C1QTNF2: variants seen among roughly 807,000 people sequenced by gnomAD.
The protein encoded by C1QTNF2 is C1q and TNF related 2, also known as complement C1q tumor necrosis factor-related protein 2.
Under a neutral mutation model 17.4 loss-of-function variants are expected in C1QTNF2, and 15 were observed. The observed-to-expected ratio is 0.86, with a 90% CI of 0.58 to 1.33. The LOEUF (loss-of-function observed/expected upper bound fraction) is 1.33, where lower values mean the gene tolerates loss of function less well. C1QTNF2 is among the 40% of genes most tolerant of loss of function. C1QTNF2 has a pLI of 0.00. For synonymous variants in C1QTNF2, 154 were observed against 163.3 expected (o/e 0.94, Z 0.44); for missense variants, 381 against 392.3 (o/e 0.97, Z 0.24).
intron 1 of C1QTNF2, among the ~76,000 whole-genome samples, chr5:160,356,620 A>T (rs190962803): frequency 2.6e-4 from 40 of 152,310 alleles, no homozygotes; most frequent in African/African-American, 9.6e-4. Context: ...GATACAAAGC[A>T]CTGTGGGCTT....
At chr5:160,369,003 G>A (rs1376504117) in intron 1 of C1QTNF2, among the ~76,000 whole-genome samples, 3 of 151,404 alleles carry the variant, frequency 2.0e-5, no homozygotes, top group Non-Finnish European at 2.9e-5. Context: ...AAGACACACT[G>A]TTAAGTGAAA....
chr5:160,364,401 C>T (rs964892468), intron 1 of C1QTNF2, among the ~76,000 whole-genome samples: 15 of 152,150 alleles, frequency 9.9e-5, no homozygotes, highest in East Asian at 1.9e-4. Flanking sequence ...ACAGTTGTTA[C>T]GAGGATTTAA....
chr5:160,369,781 G>GC (rs1487030165), intron 1 of C1QTNF2, among the ~76,000 whole-genome samples: 6 of 152,150 alleles, frequency 3.9e-5, no homozygotes, highest in African/African-American at 4.8e-5. Context: ...GACTATTAGG[G>GC]CCCACTGCAA....
At chr5:160,368,761 C>T (rs1764292849) in intron 1 of C1QTNF2, among the ~76,000 whole-genome samples, 1 of 151,996 alleles carries the variant, frequency 6.6e-6, no homozygotes, top group Admixed American at 6.6e-5. Context: ...ACTGTCTGAT[C>T]AGCAGGGTCA....
At position 160,349,912 on chromosome 5, in the gene C1QTNF2, C is replaced by T. The variant is rs962282182; in HGVS notation, c.245-131G>A. On this transcript the variant is annotated intron_variant, in intron 2 of 2. Coordinates refer to ENST00000652664, the MANE Select transcript of C1QTNF2 (RefSeq NM_031908.6). This position sits in a 1 kb window ranked among gnomAD's most constrained non-coding sequence, Gnocchi z 4.3. The stretch of plus-strand genomic sequence containing the variant: ...AGAAAGAACAAGAAGGCTTTGCAGA[C>T]ATATAGAAGTGGGTGTAAATCCTAA... 3 of 1,071,506 alleles carry T rather than the reference C, an allele frequency of 2.8e-6. No individual in the cohort carries two copies. The highest frequency in any genetic ancestry group is 1.6e-5 in the African/African-American group (1 of 63,184). The allele number at this position is 1,071,506 out of a possible 1,614,324, so 66.4% of individuals were successfully genotyped here.
intron 1 of C1QTNF2, among the ~76,000 whole-genome samples, chr5:160,359,929 G>A (rs553280805): frequency 1.3e-5 from 2 of 151,868 alleles, no homozygotes; most frequent in Admixed American, 6.6e-5. Flanking sequence ...TGGCTCCCTC[G>A]GCTCCTCTGG....
intron 1 of C1QTNF2, among the ~76,000 whole-genome samples, chr5:160,355,834 T>C (rs894792885): frequency 6.6e-6 from 1 of 152,050 alleles, no homozygotes; most frequent in African/African-American, 2.4e-5. Context: ...TCATCACCTA[T>C]CGTTAGTGTA....
rs1304339293 is a variant in C1QTNF2, at chr5:160,350,148, G to A, written c.245-367C>T. Among the ~76,000 whole-genome samples the A allele has an allele frequency of 3.9e-5, 6 of 152,282 alleles. No individual in the cohort carries two copies. In the South Asian group the frequency reaches 6.2e-4, roughly 16 times the overall value. ...GGAAAAAGCCTCTTGATTTCAACACGTTGATCTTAGTAAAATCCCTGCCTA... is the reference window on the plus strand; with the variant it reads ...GGAAAAAGCCTCTTGATTTCAACACATTGATCTTAGTAAAATCCCTGCCTA... On this transcript the variant is annotated intron_variant, in intron 2 of 2. Coordinates refer to ENST00000652664, the MANE Select transcript of C1QTNF2 (RefSeq NM_031908.6).
At chr5:160,357,003 T>C (rs997817106) in intron 1 of C1QTNF2, among the ~76,000 whole-genome samples, 6 of 152,108 alleles carry the variant, frequency 3.9e-5, no homozygotes, top group Admixed American at 2.0e-4. Flanking sequence ...GGGCCCAAAA[T>C]GGTTACTCCC....
chr5:160,353,122 T>C (rs935704258), intron 2 of C1QTNF2, among the ~76,000 whole-genome samples: 2 of 152,202 alleles, frequency 1.3e-5, no homozygotes, highest in African/African-American at 4.8e-5. Context: ...TGAATCACTC[T>C]GACTCTCAGT....
At chr5:160,368,785 A>C (rs1439379043) in intron 1 of C1QTNF2, among the ~76,000 whole-genome samples, 2 of 151,256 alleles carry the variant, frequency 1.3e-5, no homozygotes, top group Non-Finnish European at 3.0e-5. Flanking sequence ...TAAGAGAAGG[A>C]ATAGCGAGAC....
chr5:160,354,635 G>T lies in C1QTNF2; in HGVS notation c.244+133C>A, dbSNP rs571940890. 1,682 of 367,140 alleles carry T rather than the reference G, an allele frequency of 4.6e-3. 24 individuals carry two copies. The highest frequency in any genetic ancestry group is 0.043 in the African/African-American group (1,085 of 25,514). 22.7% of individuals were successfully genotyped at this position (367,140 alleles called of 1,614,324 possible). A position where few individuals can be genotyped will look rare whatever the true frequency, so the allele number is the denominator to read the frequency against. On this transcript the variant is annotated intron_variant, in intron 2 of 2. Transcript: ENST00000652664. The stretch of plus-strand genomic sequence containing the variant: ...ATATATATATATATATATATATATA[G>T]ATTTATAAGTAAATAGTAATTTGAT...
chr5:160,350,426 G>A (rs967713217), intron 2 of C1QTNF2, among the ~76,000 whole-genome samples: 2 of 152,162 alleles, frequency 1.3e-5, no homozygotes, highest in African/African-American at 2.4e-5. Flanking sequence ...AAGGCAGGCC[G>A]GGCAAGGTGG....
rs1380704862 is a variant in C1QTNF2, at chr5:160,348,246, T to C, written c.*922A>G. 1 of 152,304 alleles carries C rather than the reference T, an allele frequency of 6.6e-6. No homozygotes were observed. Among genetic ancestry groups the C allele is most frequent in the African/African-American group, 2.4e-5 (1 of 41,554 alleles). The allele number at this position is 152,304 out of a possible 1,614,324, so 9.4% of individuals were successfully genotyped here. On this transcript the variant is annotated 3_prime_UTR_variant, in exon 3 of 3. Transcript: ENST00000652664. ...AGCGGGCCTGCAAAAGATTAACTAA[T>C]AATAAAGCGCTCAAGTCTGTGGCCG... is the stretch of plus-strand genomic sequence containing the variant.
At chr5:160,365,305 G>A (rs1249991018) in intron 1 of C1QTNF2, among the ~76,000 whole-genome samples, 2 of 152,232 alleles carry the variant, frequency 1.3e-5, no homozygotes, top group East Asian at 3.8e-4. Flanking sequence ...TCTGAACTTT[G>A]AAGGGGACAG....
intron 1 of C1QTNF2, among the ~76,000 whole-genome samples, chr5:160,367,033 A>G (rs558780198): frequency 2.0e-5 from 3 of 151,878 alleles, no homozygotes; most frequent in South Asian, 2.1e-4. Context: ...AAAAAAAAAA[A>G]AAAAAAGAAA....
At chr5:160,354,584 G>GAAAAAAAAAAA (rs200801719) in intron 2 of C1QTNF2, among the ~76,000 whole-genome samples, 184 bp downstream of exon 2, 4 of 27,486 alleles carry the variant, frequency 1.5e-4, no homozygotes, top group African/African-American at 6.2e-4. Flanking sequence ...GTCTCAAGGG[G>GAAAAAAAAAAA]AAAAAAAAAA....
Position 160,349,357 on chromosome 5 carries a change from A to C in C1QTNF2, c.669T>G (p.Phe223Leu). Residue 223 changes from phenylalanine to leucine, a missense_variant, in exon 3 of 3, where the codon TTT becomes TTG. By Grantham distance (22) the Phe-to-Leu change is conservative (BLOSUM62 0). Coordinates refer to ENST00000652664, the MANE Select transcript of C1QTNF2 (RefSeq NM_031908.6). This position sits in a 1 kb window ranked among gnomAD's most constrained non-coding sequence, Gnocchi z 4.3. ...VHNGQYRIRT[F>L]DANTGNHDVA... ...CATCGTGGTTGCCGGTGTTGGCATC[A>C]AAGGTCCGGATGCGGTACTGGCCGT... is the stretch of plus-strand genomic sequence containing the variant. The C allele has an allele frequency of 1.2e-6, 2 of 1,614,126 alleles. No homozygotes were observed. Among genetic ancestry groups the C allele is most frequent in the Middle Eastern group, 3.3e-4 (2 of 6,062 alleles).
chr5:160,369,338 C>CA (rs1764305088), intron 1 of C1QTNF2, among the ~76,000 whole-genome samples: 2 of 152,142 alleles, frequency 1.3e-5, no homozygotes, highest in African/African-American at 4.8e-5. Context: ...GGGGAGAAGT[C>CA]AGACATTTGG....
Sources: gnomAD v4.1 joint callset for allele counts (sites outside exome capture counted in the v4.1 genomes callset) on GRCh38, gnomAD v4.1.1 for gene constraint, Gnocchi (gnomAD v3.1) non-coding constraint, MANE v1.5 for transcripts, NCBI Gene and HGNC (gene_info 2026-07-23, HGNC 2026-07-21) for gene names.